SYNPO2: variants seen among roughly 807,000 people sequenced by gnomAD.
SYNPO2 encodes synaptopodin-2.
A neutral mutation model predicts 85.0 loss-of-function variants in SYNPO2; 56 were observed. The ratio of observed to expected loss-of-function variants is 0.66; its 90% CI spans 0.53 to 0.82. SYNPO2 has a LOEUF of 0.82. SYNPO2 is among the 40% of genes least tolerant of loss of function. SYNPO2 has a pLI of 0.00. For synonymous variants in SYNPO2, 602 were observed against 591.1 expected, an observed-to-expected ratio of 1.02 and a Z score of -0.27; for missense variants, 1,575 against 1,534.2, an observed-to-expected ratio of 1.03 and a Z score of -0.44.
rs191773413 is a variant in SYNPO2, at chr4:118,970,139, C to G, written c.106-53291C>G. ...GTACTCACTTTCCACCTAGCAAAAG[C>G]TTTATCTGAAAGCTGTTTTATTCCT... On this transcript the variant is annotated intron_variant, in intron 1 of 4. Transcript: ENST00000307142. 2.2e-3 allele frequency among the ~76,000 whole-genome samples: 333 copies of G among 152,242 alleles called. 6 individuals are homozygous for G. Among genetic ancestry groups the G allele is most frequent in the East Asian group, 8.7e-3 (45 of 5,188 alleles).
intron 1 of SYNPO2, among the ~76,000 whole-genome samples, chr4:118,961,250 G>T (rs1156815623): frequency 6.6e-6 from 1 of 151,970 alleles, no homozygotes; most frequent in Non-Finnish European, 1.5e-5. Context: ...CCCCGCAACA[G>T]AGAATGAGAT....
chr4:119,038,070 G>C, intron 4 of SYNPO2: 1 of 892,242 alleles, frequency 1.1e-6, no homozygotes, highest in Non-Finnish European at 1.3e-6. Context: ...CTTATAAGCA[G>C]TGGATTAGGG....
At chr4:119,024,122 C>T (rs1243427619) in intron 2 of SYNPO2, among the ~76,000 whole-genome samples, 1 of 152,128 alleles carries the variant, frequency 6.6e-6, no homozygotes, top group African/African-American at 2.4e-5. Flanking sequence ...TTTGCACGAC[C>T]AACACAGGTC....
intron 1 of SYNPO2, among the ~76,000 whole-genome samples, chr4:118,968,945 C>T (rs1330615707): frequency 1.3e-5 from 2 of 152,198 alleles, no homozygotes; most frequent in African/African-American, 2.4e-5. Flanking sequence ...TGAAATATAG[C>T]GTGGCAAAAC....
intron 1 of SYNPO2, among the ~76,000 whole-genome samples, chr4:118,938,626 G>A (rs1734195849): frequency 6.6e-6 from 1 of 152,072 alleles, no homozygotes; most frequent in South Asian, 2.1e-4. Context: ...GCTTCCCTGT[G>A]GTTTTCCCTC....
At chr4:118,977,218 G>C (rs553311734) in intron 1 of SYNPO2, among the ~76,000 whole-genome samples, 326 of 152,244 alleles carry the variant, frequency 2.1e-3, no homozygotes, top group Admixed American at 4.4e-3. Flanking sequence ...TAAGGCCCGG[G>C]GAGAAATCGA....
chr4:118,871,465 G>A (rs191523049), intron 1 of SYNPO2, among the ~76,000 whole-genome samples: 47 of 151,490 alleles, frequency 3.1e-4, no homozygotes, highest in African/African-American at 1.1e-3. Flanking sequence ...TGTATTTCTC[G>A]TCTGTTCTAC....
At chr4:118,976,724 C>G (rs1156575162) in intron 1 of SYNPO2, among the ~76,000 whole-genome samples, 1 of 152,198 alleles carries the variant, frequency 6.6e-6, no homozygotes, top group Non-Finnish European at 1.5e-5. Flanking sequence ...ATTCACAAAC[C>G]TTGAGCTAAA....
chr4:118,933,590 CCAGCTAAGGAT>C (rs1025996504), intron 1 of SYNPO2, among the ~76,000 whole-genome samples: 1 of 152,066 alleles, frequency 6.6e-6, no homozygotes, highest in African/African-American at 2.4e-5. Context: ...ACTTTTGAAT[CCAGCTAAGGAT>C]GACTTATTAA....
chr4:118,990,648 G>A (rs13139473), intron 1 of SYNPO2, among the ~76,000 whole-genome samples: 26,987 of 152,036 alleles, frequency 0.18, 2,791 homozygotes, highest in East Asian at 0.26. Flanking sequence ...TCGCTCGGTC[G>A]CCCAGGCAGG....
chr4:118,977,344 T>C (rs1735821978), intron 1 of SYNPO2, among the ~76,000 whole-genome samples: 1 of 152,166 alleles, frequency 6.6e-6, no homozygotes, highest in South Asian at 2.1e-4. Context: ...CTGCTCCGAG[T>C]GCGGGGCCTG....
chr4:118,961,783 A>G (rs919326475), intron 1 of SYNPO2, among the ~76,000 whole-genome samples: 1 of 152,212 alleles, frequency 6.6e-6, no homozygotes. Context: ...ATGTAAAACA[A>G]TAGAAGATAA....
chr4:118,990,459 T>C (rs1318394912), intron 1 of SYNPO2, among the ~76,000 whole-genome samples: 1 of 152,146 alleles, frequency 6.6e-6, no homozygotes, highest in Non-Finnish European at 1.5e-5. Flanking sequence ...ACACCAAATA[T>C]TGTGCCAGAT....
chr4:118,940,595 A>T (rs1734273290), intron 1 of SYNPO2, among the ~76,000 whole-genome samples: 1 of 152,010 alleles, frequency 6.6e-6, no homozygotes, highest in Non-Finnish European at 1.5e-5. Flanking sequence ...CCTGCCACTG[A>T]GGGAGACATT....
chr4:119,046,910 G>C (rs1202269595), intron 4 of SYNPO2, among the ~76,000 whole-genome samples: 1 of 152,124 alleles, frequency 6.6e-6, no homozygotes, highest in Non-Finnish European at 1.5e-5. Context: ...TTGTTTAAAA[G>C]TCTGTTGTTT....
chr4:119,007,265 T>TATAC lies in SYNPO2; in HGVS notation c.106-16162_106-16161insCATA, dbSNP rs1560972565. Among the ~76,000 whole-genome samples the TATAC allele has an allele frequency of 3.9e-4, 35 of 89,242 alleles. 1 individual carries two copies. Among genetic ancestry groups the TATAC allele is most frequent in the African/African-American group, 1.7e-3 (30 of 18,122 alleles). 58.5% of individuals were successfully genotyped at this position (89,242 alleles called of 152,430 possible). A position where few individuals can be genotyped will look rare whatever the true frequency, so the allele number is the denominator to read the frequency against. On this transcript the variant is annotated intron_variant, in intron 1 of 4. Transcript: ENST00000307142. The stretch of plus-strand genomic sequence containing the variant: ...ATATATGTATATACATATATATATA[T>TATAC]ATATATATATGTATATACATATATA...
Position 119,032,012 on chromosome 4 carries a change from T to C in SYNPO2, c.3237T>C (p.Ser1079=). The part of the protein sequence containing the change: ...APRPKFSAKK[S]GVTIQESGRS... ...GGCCAAAGTTCTCAGCCAAGAAAAG[T>C]GGTGTCACAATTCAGGTGTGGAAAC... The change falls in exon 4 of 5, where the codon AGT becomes AGC. Residue 1079 remains serine (S), a synonymous_variant. Transcript: ENST00000307142. 6.2e-7 allele frequency: 1 copy of C among 1,614,126 alleles called. No homozygotes were observed. The highest frequency in any genetic ancestry group is 8.5e-7 in the Non-Finnish European group (1 of 1,180,012).
chr4:119,045,457 A>G (rs1347751130), intron 4 of SYNPO2, among the ~76,000 whole-genome samples: 1 of 152,186 alleles, frequency 6.6e-6, no homozygotes, highest in Non-Finnish European at 1.5e-5. Flanking sequence ...TCTCAAAAAA[A>G]CAAAAACCCA....
At chr4:118,952,935 TA>T (rs1734747373) in intron 1 of SYNPO2, among the ~76,000 whole-genome samples, 1 of 152,168 alleles carries the variant, frequency 6.6e-6, no homozygotes, top group Non-Finnish European at 1.5e-5. Flanking sequence ...AGATAATTTT[TA>T]AAAAATTATA....
Sources: gnomAD v4.1 joint callset for allele counts (sites outside exome capture counted in the v4.1 genomes callset) on GRCh38, gnomAD v4.1.1 for gene constraint, MANE v1.5 for transcripts, NCBI Gene and HGNC (gene_info 2026-07-23, HGNC 2026-07-21) for gene names.